MCTP1: variants seen among roughly 807,000 people sequenced by gnomAD.
The protein encoded by MCTP1 is multiple C2 and transmembrane domain containing 1.
In MCTP1, 69 loss-of-function variants were observed where a neutral mutation model predicts 120.6. That is an observed-to-expected ratio of 0.57 (90% confidence interval 0.47 to 0.70). The LOEUF (loss-of-function observed/expected upper bound fraction) is 0.70, where lower values mean the gene tolerates loss of function less well. Ranked by LOEUF, MCTP1 falls within the 30% of genes least tolerant of loss-of-function variation. The probability of loss-of-function intolerance (pLI) is 0.00; values close to 1 mark genes in which losing one functional copy is unlikely to be tolerated. For missense variants in MCTP1, 1,203 were observed against 1,248.8 expected, an observed-to-expected ratio of 0.96 and a Z score of 0.55; for synonymous variants, 529 against 493.1, an observed-to-expected ratio of 1.07 and a Z score of -0.96.
intron 2 of MCTP1, among the ~76,000 whole-genome samples, chr5:95,010,138 T>C (rs1470447735): frequency 5.3e-5 from 8 of 152,196 alleles, no homozygotes; most frequent in Admixed American, 1.3e-4. Flanking sequence ...TTAATTCTAA[T>C]AGTTATACAA....
chr5:94,783,806 T>A (rs550192664), intron 18 of MCTP1, among the ~76,000 whole-genome samples: 20 of 152,214 alleles, frequency 1.3e-4, no homozygotes, highest in African/African-American at 4.6e-4. Context: ...TTTAAATCCC[T>A]TCAAACAAAA....
intron 1 of MCTP1, chr5:95,166,309 G>A (rs778949611): frequency 3.4e-4 from 51 of 152,058 alleles, no homozygotes; most frequent in Non-Finnish European, 6.5e-4. Flanking sequence ...CCAATCAAGG[G>A]AGCCTGGTCT....
At chr5:95,190,555 T>C (rs1391469637) in intron 1 of MCTP1, among the ~76,000 whole-genome samples, 4 of 152,088 alleles carry the variant, frequency 2.6e-5, no homozygotes, top group Non-Finnish European at 4.4e-5. Flanking sequence ...AAATTCATTG[T>C]CAACTACCAA....
intron 1 of MCTP1, among the ~76,000 whole-genome samples, chr5:95,054,813 G>GTTTT (rs1396779479): frequency 6.6e-6 from 1 of 152,020 alleles, no homozygotes; most frequent in Non-Finnish European, 1.5e-5. Context: ...TTGTTTGTTT[G>GTTTT]TTTTTTGAAA....
intron 1 of MCTP1, among the ~76,000 whole-genome samples, chr5:95,128,523 T>C (rs1457324251): frequency 6.6e-6 from 1 of 152,214 alleles, no homozygotes; most frequent in Non-Finnish European, 1.5e-5. Context: ...TGCTACAACA[T>C]GGATGAACCT....
chr5:95,099,666 C>T (rs1254793473), intron 1 of MCTP1, among the ~76,000 whole-genome samples: 1 of 150,814 alleles, frequency 6.6e-6, no homozygotes, highest in African/African-American at 2.4e-5. Flanking sequence ...CACTTTTACA[C>T]TGTTGGTGGG....
chr5:94,888,058 CA>C (rs1281354485), intron 12 of MCTP1, among the ~76,000 whole-genome samples: 1 of 47,230 alleles, frequency 2.1e-5, no homozygotes, highest in Non-Finnish European at 3.9e-5. Context: ...CTTTCAGAAA[CA>C]GTGAAATTTG....
chr5:95,255,514 C>A (rs1757791065), intron 1 of MCTP1, among the ~76,000 whole-genome samples: 1 of 152,088 alleles, frequency 6.6e-6, no homozygotes, highest in Non-Finnish European at 1.5e-5. Context: ...CTGAGTGGCA[C>A]TGCAAAGCCA....
chr5:94,925,592 G>A (rs955586059), intron 6 of MCTP1, among the ~76,000 whole-genome samples: 4 of 152,056 alleles, frequency 2.6e-5, no homozygotes, highest in Non-Finnish European at 5.9e-5. Flanking sequence ...GTATTTTTTA[G>A]TAGAGACGGG....
chr5:95,016,972 C>T (rs901390241), intron 2 of MCTP1, among the ~76,000 whole-genome samples: 3 of 152,110 alleles, frequency 2.0e-5, no homozygotes, highest in African/African-American at 7.2e-5. Flanking sequence ...GTCCTGGGTC[C>T]TGCAATGTGA....
At chr5:95,110,923 C>T (rs1757402987) in intron 1 of MCTP1, among the ~76,000 whole-genome samples, 1 of 152,052 alleles carries the variant, frequency 6.6e-6, no homozygotes, top group Admixed American at 6.6e-5. Flanking sequence ...AGGATAATTC[C>T]CTGGGACTCG....
intron 1 of MCTP1, among the ~76,000 whole-genome samples, chr5:95,120,727 A>G (rs933000323): frequency 1.3e-5 from 2 of 152,218 alleles, no homozygotes; most frequent in Non-Finnish European, 2.9e-5. Context: ...TAAATAGTAT[A>G]ATACTGAATG....
rs1293934247 is a variant in MCTP1, at chr5:94,846,420, A to C, written c.2436+21913T>G. ...AAGAAACAAAAAAAACAAGCACCAC[A>C]TGTTCTCACTTGTAAGTGGGAGCTG... is the stretch of plus-strand genomic sequence containing the variant. On this transcript the variant is annotated intron_variant, in intron 17 of 22. Coordinates refer to ENST00000515393, the MANE Select transcript of MCTP1 (RefSeq NM_024717.7). Among the ~76,000 whole-genome samples, 3 of 152,138 alleles carry C rather than the reference A, an allele frequency of 2.0e-5. No individual in the cohort carries two copies. The East Asian group carries it at 5.8e-4, about 29-fold the overall frequency.
chr5:94,710,021 T>G (rs915735174), intron 21 of MCTP1: 1 of 152,162 alleles, frequency 6.6e-6, no homozygotes, highest in Non-Finnish European at 1.5e-5. Flanking sequence ...TTGATTTGTT[T>G]TAGCAGTCTT....
chr5:95,068,084 AAGAG>A (rs1371011696), intron 1 of MCTP1, among the ~76,000 whole-genome samples: 18 of 152,196 alleles, frequency 1.2e-4, no homozygotes, highest in African/African-American at 4.1e-4. Context: ...TTGATAAAGA[AAGAG>A]AGGCAATTAT....
intron 17 of MCTP1, among the ~76,000 whole-genome samples, chr5:94,864,368 G>A (rs1411271263): frequency 2.0e-5 from 3 of 151,734 alleles, no homozygotes; most frequent in Non-Finnish European, 2.9e-5. Flanking sequence ...ATTCTGTTAG[G>A]AATTGTACTT....
intron 2 of MCTP1, among the ~76,000 whole-genome samples, chr5:94,983,661 G>GTCAATCTATCTATCTATCTATCTA (rs1357815406): frequency 2.1e-3 from 34 of 16,088 alleles, no homozygotes; most frequent in African/African-American, 4.0e-3. Context: ...CTGTCTGTCT[G>GTCAATCTATCTATCTATCTATCTA]TCTGTCAATC....
At chr5:95,018,043 T>C (rs922949915) in intron 1 of MCTP1, among the ~76,000 whole-genome samples, 1 of 152,092 alleles carries the variant, frequency 6.6e-6, no homozygotes, top group Non-Finnish European at 1.5e-5. Context: ...ATATTCTCGA[T>C]GGGGCTAAAT....
Position 94,925,405 on chromosome 5 carries a change from G to C in MCTP1, c.1213-1384C>G, listed in dbSNP as rs775867626. ...AGAGGCTAAGTGAGGCAAAGTGACT[G>C]TTTTTTTCTGGTTTTTTTTTTGAGA... On this transcript the variant is annotated intron_variant, in intron 6 of 22. Transcript: ENST00000515393. Among the ~76,000 whole-genome samples the C allele has an allele frequency of 1.2e-3, 186 of 151,986 alleles. 3 individuals are homozygous for C. Among genetic ancestry groups the C allele is most frequent in the Admixed American group, 5.2e-4 (8 of 15,268 alleles).
Sources: allele counts gnomAD v4.1 joint callset (sites outside exome capture counted in the v4.1 genomes callset), GRCh38; gene constraint gnomAD v4.1.1; transcripts MANE v1.5; gene names NCBI Gene and HGNC (gene_info 2026-07-23, HGNC 2026-07-21).